The following FOXD2 variants were observed in gnomAD, a reference collection of about 807,000 sequenced individuals.
The protein encoded by FOXD2 is forkhead box D2, also known as forkhead box protein D2.
Under a neutral mutation model 6.4 loss-of-function variants are expected in FOXD2, and 4 were observed. The ratio of observed to expected loss-of-function variants is 0.62; its 90% CI spans 0.31 to 1.42. The LOEUF (loss-of-function observed/expected upper bound fraction) is 1.42, where lower values mean the gene tolerates loss of function less well. FOXD2 is among the 40% of genes most tolerant of loss of function. The pLI, the probability that FOXD2 is intolerant of heterozygous loss-of-function variation, is 0.08. For synonymous variants in FOXD2, 393 were observed against 373.6 expected (o/e 1.05, Z -0.60); for missense variants, 709 against 766.8 (o/e 0.92, Z 0.89).
Position 47,438,331 on chromosome 1 carries a change from G to T in FOXD2, c.196G>T (p.Asp66Tyr). The T allele has an allele frequency of 1.6e-6, 2 of 1,285,650 alleles. No individual in the cohort carries two copies. 79.6% of individuals were successfully genotyped at this position (1,285,650 alleles called of 1,614,324 possible). The stretch of plus-strand genomic sequence containing the variant: ...GCCTCCCGCGGAGGAAGCCGAGGCA[G>T]ACTTAGCCGAGGACGAGGAGGAGTC... The part of the protein sequence containing the change: ...HEPPAEEAEA[D>Y]LAEDEEESGG... The change falls in exon 1 of 1, where the codon GAC becomes TAC. Residue 66 changes from aspartate to tyrosine, a missense_variant. By Grantham distance (160) the Asp-to-Tyr change is radical. Transcript: ENST00000334793.
Position 47,439,698 on chromosome 1 carries a change from T to C in FOXD2, c.*75T>C. The C allele has an allele frequency of 1.5e-6, 2 of 1,375,150 alleles. No homozygotes were observed. Among genetic ancestry groups the C allele is most frequent in the Non-Finnish European group, 2.0e-6 (2 of 1,008,390 alleles). 85.2% of individuals were successfully genotyped at this position (1,375,150 alleles called of 1,614,324 possible). A position where few individuals can be genotyped will look rare whatever the true frequency, so the allele number is the denominator to read the frequency against. ...GGAGTTCCTGCGGTCCCAGCGGAAC[T>C]CAGGGAGTCTATTTATGAAGTCTCC... is the stretch of plus-strand genomic sequence containing the variant. On this transcript the variant is annotated 3_prime_UTR_variant, in exon 1 of 1. Coordinates refer to ENST00000334793, the MANE Select transcript of FOXD2 (RefSeq NM_004474.4).
Position 47,439,284 on chromosome 1 carries a change from C to A in FOXD2, c.1149C>A (p.Pro383=), listed in dbSNP as rs995133287. The change falls in exon 1 of 1, where the codon CCC becomes CCA. Residue 383 remains proline (P), a synonymous_variant. Transcript: ENST00000334793. ...PPAAGTAAGL[P]TALLRQGLKT... ...CAGCCGGCACCGCGGCGGGTCTGCC[C>A]ACCGCACTTCTGCGCCAGGGCCTCA... 7.3e-6 allele frequency: 11 copies of A among 1,498,850 alleles called. No homozygotes were observed. Among genetic ancestry groups the A allele is most frequent in the Non-Finnish European group, 9.7e-6 (11 of 1,136,470 alleles). The allele number at this position is 1,498,850 out of a possible 1,614,324, so 92.8% of individuals were successfully genotyped here.
chr1:47,438,281 G>C lies in FOXD2; in HGVS notation c.146G>C (p.Arg49Pro). 7.4e-7 allele frequency: 1 copy of C among 1,345,142 alleles called. No homozygotes were observed. The highest frequency in any genetic ancestry group is 9.5e-7 in the Non-Finnish European group (1 of 1,051,466). 83.3% of individuals were successfully genotyped at this position (1,345,142 alleles called of 1,614,324 possible). A position where few individuals can be genotyped will look rare whatever the true frequency, so the allele number is the denominator to read the frequency against. The stretch of plus-strand genomic sequence containing the variant: ...GCTCGCTCCGGGCCCCGCGCCCCCC[G>C]GGACGTGCTCCCCCACGGCCACGAG... ...LPARSGPRAP[R>P]DVLPHGHEPP... Residue 49 changes from arginine (R) to proline (P), a missense_variant, in exon 1 of 1, where the codon CGG (arginine) becomes CCG (proline). This residue lies in a region of FOXD2 where 220 missense variants were observed against 199.2 expected (regional missense o/e 1.10). Coordinates refer to ENST00000334793, the MANE Select transcript of FOXD2 (RefSeq NM_004474.4).
In FOXD2 at chr1:47,438,182, C is replaced by T. The variant is rs748495731; in HGVS notation, c.47C>T (p.Ser16Phe). Residue 16 changes from serine (S) to phenylalanine (F), a missense_variant, in exon 1 of 1, where the codon TCC (serine) becomes TTC (phenylalanine). Ser to Phe is a radical substitution (Grantham distance 155). This residue lies in a region of FOXD2 where 220 missense variants were observed against 199.2 expected (regional missense o/e 1.10). Coordinates refer to ENST00000334793, the MANE Select transcript of FOXD2 (RefSeq NM_004474.4). The stretch of plus-strand genomic sequence containing the variant: ...TGCGAGATCATGTCCTCCGAGAGCT[C>T]CCCGGCCGCGCTGTCCGAGGCCGAC... ...CCCEIMSSES[S>F]PAALSEADAD... 1.4e-6 allele frequency: 2 copies of T among 1,466,416 alleles called. 1 individual carries two copies. Among genetic ancestry groups the T allele is most frequent in the South Asian group, 2.6e-5 (2 of 77,084 alleles). The allele number at this position is 1,466,416 out of a possible 1,614,324, so 90.8% of individuals were successfully genotyped here.
At position 47,440,616 on chromosome 1, in the gene FOXD2, T is replaced by C. The variant is rs1297772468; in HGVS notation, c.*993T>C. ...AGCTCTGTGAAATCGTCTGATGGTC[T>C]GTGTGGAAGAAAAGAAAAATCTGTC... On this transcript the variant is annotated 3_prime_UTR_variant, in exon 1 of 1. Coordinates refer to ENST00000334793, the MANE Select transcript of FOXD2 (RefSeq NM_004474.4). 1 of 167,140 alleles carries C rather than the reference T, an allele frequency of 6.0e-6. No individual in the cohort carries two copies. Among genetic ancestry groups the C allele is most frequent in the African/African-American group, 2.4e-5 (1 of 41,462 alleles). 10.4% of individuals were successfully genotyped at this position (167,140 alleles called of 1,614,324 possible).
Position 47,439,151 on chromosome 1 carries a change from C to T in FOXD2, c.1016C>T (p.Pro339Leu). Residue 339 changes from proline to leucine, a missense_variant, in exon 1 of 1, where the codon CCT becomes CTT. By Grantham distance (98) the Pro-to-Leu change is moderately conservative. Coordinates refer to ENST00000334793, the MANE Select transcript of FOXD2 (RefSeq NM_004474.4). ...AGAGSAPAPA[P>L]ASGSGPGPGP... is the part of the protein sequence containing the mutation. ...GCGGGATCGGCCCCAGCTCCTGCGC[C>T]TGCCTCAGGCTCGGGCCCGGGCCCG... 6.9e-7 allele frequency: 1 copy of T among 1,455,368 alleles called. No individual in the cohort carries two copies. The highest frequency in any genetic ancestry group is 9.0e-7 in the Non-Finnish European group (1 of 1,110,340). The allele number at this position is 1,455,368 out of a possible 1,614,324, so 90.2% of individuals were successfully genotyped here.
chr1:47,438,748 C>T lies in FOXD2; in HGVS notation c.613C>T (p.Pro205Ser). Residue 205 changes from proline (P) to serine (S), a missense_variant, in exon 1 of 1, where the codon CCG becomes TCG. By Grantham distance (74) the Pro-to-Ser change is moderately conservative. Transcript: ENST00000334793. ...CAAGGGCAACTACTGGACGCTGGACCCGGAGTCGGCCGACATGTTCGACAA... is the reference window on the plus strand; with the variant it reads ...CAAGGGCAACTACTGGACGCTGGACTCGGAGTCGGCCGACATGTTCGACAA... ...PGKGNYWTLD[P>S]ESADMFDNGS... The T allele has an allele frequency of 6.2e-7, 1 of 1,613,876 alleles. No individual in the cohort carries two copies. The highest frequency in any genetic ancestry group is 1.3e-5 in the African/African-American group (1 of 75,046).
chr1:47,439,104 G>A lies in FOXD2; in HGVS notation c.969G>A (p.Pro323=), dbSNP rs1448942140. ...CCGCCGCGCCTCCACCCGGACCTCC[G>A]ACGGCCTCGGTGTTCGCAGGCGCGG... ...GRAAAPPPGP[P]TASVFAGAGS... The change falls in exon 1 of 1, where the codon CCG becomes CCA. Residue 323 remains proline, a synonymous_variant. Transcript: ENST00000334793. 6.9e-7 allele frequency: 1 copy of A among 1,458,272 alleles called. No homozygotes were observed. Among genetic ancestry groups the A allele is most frequent in the African/African-American group, 1.5e-5 (1 of 67,978 alleles). 90.3% of individuals were successfully genotyped at this position (1,458,272 alleles called of 1,614,324 possible).
chr1:47,439,168 C>G lies in FOXD2; in HGVS notation c.1033C>G (p.Pro345Ala). The G allele has an allele frequency of 7.0e-7, 1 of 1,437,030 alleles. No homozygotes were observed. The highest frequency in any genetic ancestry group is 9.1e-7 in the Non-Finnish European group (1 of 1,104,888). 89.0% of individuals were successfully genotyped at this position (1,437,030 alleles called of 1,614,324 possible). A position where few individuals can be genotyped will look rare whatever the true frequency, so the allele number is the denominator to read the frequency against. The change falls in exon 1 of 1, where the codon CCG (proline) becomes GCG (alanine). Residue 345 changes from proline to alanine, a missense_variant. By Grantham distance (27) the Pro-to-Ala change is conservative. Around this residue, in one of 5 missense-constraint regions of FOXD2, gnomAD observed 322 missense variants for 313.8 expected, o/e 1.03. Coordinates refer to ENST00000334793, the MANE Select transcript of FOXD2 (RefSeq NM_004474.4). ...PAPAPASGSG[P>A]GPGPAGLPAF... The stretch of plus-strand genomic sequence containing the variant: ...TCCTGCGCCTGCCTCAGGCTCGGGC[C>G]CGGGCCCGGGCCCCGCAGGCCTGCC...
In FOXD2 at chr1:47,438,237, C is replaced by T; in HGVS notation, c.102C>T (p.Ser34=). 3 of 1,400,846 alleles carry T rather than the reference C, an allele frequency of 2.1e-6. No homozygotes were observed. The highest frequency in any genetic ancestry group is 1.5e-5 in the South Asian group (1 of 66,062). 86.8% of individuals were successfully genotyped at this position (1,400,846 alleles called of 1,614,324 possible). A position where few individuals can be genotyped will look rare whatever the true frequency, so the allele number is the denominator to read the frequency against. Residue 34 remains serine (S), a synonymous_variant, in exon 1 of 1, where the codon AGC becomes AGT. Coordinates refer to ENST00000334793, the MANE Select transcript of FOXD2 (RefSeq NM_004474.4). ...DADIDVVGGG[S]GGGELPARSG... is the part of the protein sequence containing the mutation. The stretch of plus-strand genomic sequence containing the variant: ...ACATAGACGTGGTGGGCGGCGGCAG[C>T]GGCGGGGGGGAGCTCCCAGCTCGCT...
chr1:47,439,593 A>C lies in FOXD2; in HGVS notation c.1458A>C (p.Lys486Asn). 1.9e-6 allele frequency: 3 copies of C among 1,556,402 alleles called. No individual in the cohort carries two copies. Among genetic ancestry groups the C allele is most frequent in the Non-Finnish European group, 2.6e-6 (3 of 1,150,642 alleles). The change falls in exon 1 of 1, where the codon AAA (lysine) becomes AAC (asparagine). Residue 486 changes from lysine (K) to asparagine (N), a missense_variant. This residue lies in a region of FOXD2 where 322 missense variants were observed against 313.8 expected (regional missense o/e 1.03). Transcript: ENST00000334793. ...LLSSGSRFAS[K>N]VAGLSGCHF is the part of the protein sequence containing the mutation. ...CCTCAGGGTCCCGGTTTGCCAGCAA[A>C]GTCGCCGGCCTTAGTGGCTGCCACT...
Position 47,439,966 on chromosome 1 carries a change from C to A in FOXD2, c.*343C>A. On this transcript the variant is annotated 3_prime_UTR_variant, in exon 1 of 1. Coordinates refer to ENST00000334793, the MANE Select transcript of FOXD2 (RefSeq NM_004474.4). ...GGGAGAGATGCCTGGCCAGGCTCCA[C>A]GGATCCCGCCAGAAACACCAACAGA... The A allele has an allele frequency of 3.5e-6, 1 of 288,668 alleles. No individual in the cohort carries two copies. Among genetic ancestry groups the A allele is most frequent in the Non-Finnish European group, 6.8e-6 (1 of 146,404 alleles). 17.9% of individuals were successfully genotyped at this position (288,668 alleles called of 1,614,324 possible). A position where few individuals can be genotyped will look rare whatever the true frequency, so the allele number is the denominator to read the frequency against.
Position 47,438,864 on chromosome 1 carries a change from G to T in FOXD2, c.729G>T (p.Leu243=), listed in dbSNP as rs762264054. The T allele has an allele frequency of 8.1e-6, 13 of 1,596,922 alleles. No homozygotes were observed. The highest frequency in any genetic ancestry group is 1.1e-5 in the Non-Finnish European group (13 of 1,172,920). Residue 243 remains leucine (L), a synonymous_variant, in exon 1 of 1, where the codon CTG becomes CTT. Transcript: ENST00000334793. ...CGCACCCTCACCCGGAGCTGCTGCT[G>T]CGTGGCGGGGCCGCGGCGGCGGGGG... ...PHPHPHPELL[L]RGGAAAAGDP...
At position 47,438,124 on chromosome 1, in the gene FOXD2, G is replaced by C; in HGVS notation, c.-12G>C. 1 of 1,401,910 alleles carries C rather than the reference G, an allele frequency of 7.1e-7. No individual in the cohort carries two copies. The allele number at this position is 1,401,910 out of a possible 1,614,324, so 86.8% of individuals were successfully genotyped here. A position where few individuals can be genotyped will look rare whatever the true frequency, so the allele number is the denominator to read the frequency against. On this transcript the variant is annotated 5_prime_UTR_variant, in exon 1 of 1. Transcript: ENST00000334793. ...GGAGCCGGAGAGTGGCGGCGGCGGC[G>C]GCAGCGGCACCATGACCCTGGGCAG...
At position 47,439,099 on chromosome 1, in the gene FOXD2, C is replaced by T; in HGVS notation, c.964C>T (p.Pro322Ser). 6.9e-7 allele frequency: 1 copy of T among 1,458,354 alleles called. No homozygotes were observed. Among genetic ancestry groups the T allele is most frequent in the Non-Finnish European group, 9.0e-7 (1 of 1,110,450 alleles). The allele number at this position is 1,458,354 out of a possible 1,614,324, so 90.3% of individuals were successfully genotyped here. A position where few individuals can be genotyped will look rare whatever the true frequency, so the allele number is the denominator to read the frequency against. Reference protein sequence around the residue: ...PGRAAAPPPGPPTASVFAGAG... With the variant: ...PGRAAAPPPGSPTASVFAGAG... ...CCGCGCCGCCGCGCCTCCACCCGGA[C>T]CTCCGACGGCCTCGGTGTTCGCAGG... is the stretch of plus-strand genomic sequence containing the variant. The change falls in exon 1 of 1, where the codon CCT becomes TCT. Residue 322 changes from proline (P) to serine (S), a missense_variant. Pro to Ser is a moderately conservative substitution (Grantham distance 74). Transcript: ENST00000334793.
Position 47,439,022 on chromosome 1 carries a change from C to T in FOXD2, c.887C>T (p.Ala296Val). 1.4e-6 allele frequency: 2 copies of T among 1,444,294 alleles called. No individual in the cohort carries two copies. The highest frequency in any genetic ancestry group is 1.5e-5 in the African/African-American group (1 of 67,252). 89.5% of individuals were successfully genotyped at this position (1,444,294 alleles called of 1,614,324 possible). A position where few individuals can be genotyped will look rare whatever the true frequency, so the allele number is the denominator to read the frequency against. The change falls in exon 1 of 1, where the codon GCT becomes GTT. Residue 296 changes from alanine to valine, a missense_variant. Coordinates refer to ENST00000334793, the MANE Select transcript of FOXD2 (RefSeq NM_004474.4). ...CCGCACCCGCACCCGCACGCCTTCG[C>T]TTTCGCCGCGGCAGCCGCCGCCGCT... ...PHPHPHPHAF[A>V]FAAAAAAAPC...
In FOXD2 at chr1:47,438,129, C is replaced by T. The variant is rs1237521220; in HGVS notation, c.-7C>T. The T allele has an allele frequency of 2.1e-6, 3 of 1,412,106 alleles. No individual in the cohort carries two copies. The highest frequency in any genetic ancestry group is 1.5e-5 in the South Asian group (1 of 68,430). 87.5% of individuals were successfully genotyped at this position (1,412,106 alleles called of 1,614,324 possible). ...CGGAGAGTGGCGGCGGCGGCGGCAGCGGCACCATGACCCTGGGCAGCTGCT... is the reference window on the plus strand; with the variant it reads ...CGGAGAGTGGCGGCGGCGGCGGCAGTGGCACCATGACCCTGGGCAGCTGCT... On this transcript the variant is annotated 5_prime_UTR_variant, in exon 1 of 1. Transcript: ENST00000334793.
Position 47,438,426 on chromosome 1 carries a change from G to C in FOXD2, c.291G>C (p.Pro97=), listed in dbSNP as rs1646987127. 2.9e-5 allele frequency: 33 copies of C among 1,120,382 alleles called. No homozygotes were observed. Among genetic ancestry groups the C allele is most frequent in the Admixed American group, 1.5e-4 (3 of 19,852 alleles). The allele number at this position is 1,120,382 out of a possible 1,614,324, so 69.4% of individuals were successfully genotyped here. A position where few individuals can be genotyped will look rare whatever the true frequency, so the allele number is the denominator to read the frequency against. ...GGGCGGCGGCCGCAGCGGGGAGCCC[G>C]GGGCCAGGCGCCGCGGCGGCCCGCG... ...SRGAAAAAGS[P]GPGAAAARGA... The change falls in exon 1 of 1, where the codon CCG becomes CCC. Residue 97 remains proline, a synonymous_variant. Coordinates refer to ENST00000334793, the MANE Select transcript of FOXD2 (RefSeq NM_004474.4).
chr1:47,439,136 C>A lies in FOXD2; in HGVS notation c.1001C>A (p.Ala334Asp). ...TCGGTGTTCGCAGGCGCGGGATCGG[C>A]CCCAGCTCCTGCGCCTGCCTCAGGC... ...TASVFAGAGSAPAPAPASGSG... is the reference protein window; with the variant it reads ...TASVFAGAGSDPAPAPASGSG... Residue 334 changes from alanine to aspartate, a missense_variant, in exon 1 of 1, where the codon GCC (alanine) becomes GAC (aspartate). By Grantham distance (126) the Ala-to-Asp change is moderately radical. Transcript: ENST00000334793. 1 of 1,460,418 alleles carries A rather than the reference C, an allele frequency of 6.8e-7. No homozygotes were observed. The highest frequency in any genetic ancestry group is 2.5e-5 in the Admixed American group (1 of 40,018). The allele number at this position is 1,460,418 out of a possible 1,614,324, so 90.5% of individuals were successfully genotyped here.
Sources: allele counts gnomAD v4.1 joint callset, GRCh38; gene constraint gnomAD v4.1.1; regional missense constraint gnomAD v4.1.1; transcripts MANE v1.5; gene names NCBI Gene and HGNC (gene_info 2026-07-23, HGNC 2026-07-21).